The following SAMD12 variants were observed in gnomAD, a reference collection of about 807,000 sequenced individuals.
The protein encoded by SAMD12 is sterile alpha motif domain containing 12.
In SAMD12, 9 loss-of-function variants were observed where a neutral mutation model predicts 15.0. The observed-to-expected ratio is 0.60, with a 90% CI of 0.36 to 1.05. The LOEUF (loss-of-function observed/expected upper bound fraction) is 1.05, where lower values mean the gene tolerates loss of function less well. Among genes scored for constraint, SAMD12 ranks in the 50% least tolerant of loss-of-function variants. The probability of loss-of-function intolerance (pLI) is 0.01; values close to 1 mark genes in which losing one functional copy is unlikely to be tolerated. For synonymous variants in SAMD12, 86 were observed against 90.1 expected, an observed-to-expected ratio of 0.96 and a Z score of 0.25; for missense variants, 230 against 234.2, an observed-to-expected ratio of 0.98 and a Z score of 0.12.
chr8:118,192,496 C>T (rs764607330), exon 5 of SAMD12: 1 of 152,158 alleles, frequency 6.6e-6, no homozygotes. Flanking sequence ...CCTTGAGGTT[C>T]ACATCAGTAG....
intron 4 of SAMD12, among the ~76,000 whole-genome samples, chr8:118,286,346 G>A (rs1814017138): frequency 6.6e-6 from 1 of 151,946 alleles, no homozygotes; most frequent in Admixed American, 6.6e-5. Flanking sequence ...GCTGTGTTGG[G>A]CACTTCTCTC....
chr8:118,435,585 GATA>G (rs1335144460), intron 3 of SAMD12, among the ~76,000 whole-genome samples: 2 of 152,112 alleles, frequency 1.3e-5, no homozygotes, highest in African/African-American at 4.8e-5. Flanking sequence ...TTTGAACACT[GATA>G]AGTTAAAACA....
At chr8:118,416,718 C>A (rs995909980) in intron 3 of SAMD12, among the ~76,000 whole-genome samples, 9 of 152,188 alleles carry the variant, frequency 5.9e-5, no homozygotes, top group African/African-American at 2.2e-4. Context: ...TTATTCAGTG[C>A]ATCCAAGCTT....
intron 4 of SAMD12, among the ~76,000 whole-genome samples, chr8:118,206,329 G>A (rs1298542980): frequency 3.9e-5 from 6 of 152,076 alleles, no homozygotes; most frequent in East Asian, 1.9e-4. Flanking sequence ...TGGTATATAC[G>A]GCAGGAAAAT....
At chr8:118,163,861 C>T in the SAMD12 span, among the ~76,000 whole-genome samples, 1 of 143,344 alleles carries the variant, frequency 7.0e-6, no homozygotes, top group Admixed American at 7.4e-5. Flanking sequence ...GGAGACAGAG[C>T]GAGACTCCGT....
At chr8:118,606,724 T>C (rs1395381996) in intron 1 of SAMD12, among the ~76,000 whole-genome samples, 1 of 152,062 alleles carries the variant, frequency 6.6e-6, no homozygotes, top group Non-Finnish European at 1.5e-5. Context: ...TCCCTTACCA[T>C]TAAAATCAGG....
the SAMD12 span, among the ~76,000 whole-genome samples, chr8:118,161,559 T>A: frequency 1.5e-5 from 1 of 66,422 alleles, no homozygotes. Flanking sequence ...AGTAAGACTG[T>A]CTAAAAAAAA....
intron 4 of SAMD12, among the ~76,000 whole-genome samples, chr8:118,356,270 C>T (rs906720959): frequency 6.6e-6 from 1 of 152,124 alleles, no homozygotes; most frequent in Non-Finnish European, 1.5e-5. Flanking sequence ...TTAGACTCTT[C>T]GACTCCCAAG....
intron 1 of SAMD12, among the ~76,000 whole-genome samples, chr8:118,619,676 A>G (rs1828341593): frequency 6.6e-6 from 1 of 152,190 alleles, no homozygotes; most frequent in Non-Finnish European, 1.5e-5. Context: ...AGGAATATAA[A>G]GTCCAAGTCT....
rs1404953602 is a variant in SAMD12 at position 118,481,882 on chromosome 8, ACACT to A, written c.193-41925_193-41922del. The stretch of plus-strand genomic sequence containing the variant: ...TGAGACCTGCAGTTCGCCTTGGAAA[ACACT>A]CACAGAAGCACTTACTCTGAGTCTG... On this transcript the variant is annotated intron_variant, in intron 2 of 3. Transcript: ENST00000314727. 3.3e-5 allele frequency among the ~76,000 whole-genome samples: 5 copies of A among 152,328 alleles called. No individual in the cohort carries two copies. In the East Asian group the frequency reaches 7.7e-4, roughly 23 times the overall value.
chr8:118,289,098 T>G (rs1814217966), intron 4 of SAMD12, among the ~76,000 whole-genome samples: 1 of 152,192 alleles, frequency 6.6e-6, no homozygotes, highest in South Asian at 2.1e-4. Flanking sequence ...CAATTCATCT[T>G]CTTTTCTTCC....
chr8:118,332,281 G>GAAT, intron 4 of SAMD12, among the ~76,000 whole-genome samples: 1 of 152,132 alleles, frequency 6.6e-6, no homozygotes, highest in South Asian at 2.1e-4. Context: ...TTAATTCCCT[G>GAAT]ACAATGATGA....
intron 3 of SAMD12, among the ~76,000 whole-genome samples, chr8:118,439,145 C>G (rs896273870): frequency 1.3e-5 from 2 of 152,200 alleles, no homozygotes; most frequent in African/African-American, 4.8e-5. Context: ...GGCCTATTTT[C>G]TGCTTTCAAG....
chr8:118,435,088 G>A (rs1822540155), intron 3 of SAMD12, among the ~76,000 whole-genome samples: 1 of 23,408 alleles, frequency 4.3e-5, no homozygotes, highest in Non-Finnish European at 1.3e-4. Context: ...GGGCGACAGA[G>A]TGAGACTCCA....
At chr8:118,535,853 C>T (rs977522997) in intron 2 of SAMD12, among the ~76,000 whole-genome samples, 1 of 152,164 alleles carries the variant, frequency 6.6e-6, no homozygotes, top group African/African-American at 2.4e-5. Context: ...TGTCACGGCT[C>T]CCCTTGGCTA....
intron 3 of SAMD12, among the ~76,000 whole-genome samples, chr8:118,408,973 A>C (rs1371296644): frequency 6.6e-6 from 1 of 151,848 alleles, no homozygotes; most frequent in Non-Finnish European, 1.5e-5. Context: ...CTCTCGGCCC[A>C]CTCCAACCTC....
chr8:118,261,039 T>G (rs1382327973), intron 4 of SAMD12, among the ~76,000 whole-genome samples: 1 of 152,126 alleles, frequency 6.6e-6, no homozygotes, highest in Non-Finnish European at 1.5e-5. Context: ...CCAGGGAAGA[T>G]GCTCAACAAA....
At chr8:118,473,020 A>G (rs1256032768) in intron 2 of SAMD12, among the ~76,000 whole-genome samples, 1 of 152,156 alleles carries the variant, frequency 6.6e-6, no homozygotes, top group Non-Finnish European at 1.5e-5. Context: ...TGACCTCTAC[A>G]CATTGCTCTC....
chr8:118,348,472 T>C (rs890277634), intron 4 of SAMD12, among the ~76,000 whole-genome samples: 5 of 151,428 alleles, frequency 3.3e-5, no homozygotes, highest in Admixed American at 2.0e-4. Context: ...CCGGGGTTCG[T>C]GCCATTCTCC....
Sources: allele counts gnomAD v4.1 joint callset (sites outside exome capture counted in the v4.1 genomes callset), GRCh38; gene constraint gnomAD v4.1.1; transcripts MANE v1.5; gene names NCBI Gene and HGNC (gene_info 2026-07-23, HGNC 2026-07-21).